Variants in FNDC3A observed in about 807,000 individuals in gnomAD.
The protein encoded by FNDC3A is fibronectin type-III domain-containing protein 3A.
FNDC3A carries 32 observed loss-of-function variants against 148.9 expected under a neutral mutation model. The ratio of observed to expected loss-of-function variants is 0.21; its 90% confidence interval spans 0.16 to 0.29. The LOEUF is 0.29. Ranked by LOEUF, FNDC3A falls within the 10% of genes least tolerant of loss-of-function variation. The probability of loss-of-function intolerance (pLI) is 1.00; values close to 1 mark genes in which losing one functional copy is unlikely to be tolerated. For synonymous variants in FNDC3A, 472 were observed against 473.6 expected, an observed-to-expected ratio of 1.00 and a Z score of 0.04; for missense variants, 1,191 against 1,452.8, an observed-to-expected ratio of 0.82 and a Z score of 2.93.
At chr13:49,064,401 G>A (rs369691831) in intron 2 of FNDC3A, among the ~76,000 whole-genome samples, 8 of 60,810 alleles carry the variant, frequency 1.3e-4, no homozygotes, top group Admixed American at 4.0e-4. Context: ...ATTGCCCCCC[G>A]CCCCCCCCCC....
rs1027414564 is a variant in FNDC3A at position 49,111,704 on chromosome 13, C to T, written c.176-2951C>T. Among the ~76,000 whole-genome samples, 6 of 136,156 alleles carry T rather than the reference C, an allele frequency of 4.4e-5. No homozygotes were observed. In the Admixed American group the frequency reaches 4.7e-4, roughly 11 times the overall value. The allele number at this position is 136,156 out of a possible 152,430, so 89.3% of individuals were successfully genotyped here. On this transcript the variant is annotated intron_variant, in intron 3 of 25. Transcript: ENST00000492622. ...TAGCGCCACTGCACTCCAGCCTGGG[C>T]AACAGAGTAAAACTCCGTCTCAAAA...
intron 24 of FNDC3A, among the ~76,000 whole-genome samples, chr13:49,202,237 TG>T (rs1886451452): frequency 6.6e-6 from 1 of 152,230 alleles, no homozygotes; most frequent in Non-Finnish European, 1.5e-5. Flanking sequence ...ATAGGAAGGC[TG>T]GTTTTCTAAT....
intron 1 of FNDC3A, among the ~76,000 whole-genome samples, chr13:48,993,504 TAGCAC>T: frequency 6.6e-6 from 1 of 152,212 alleles, no homozygotes; most frequent in Non-Finnish European, 1.5e-5. Context: ...TCTCATATGA[TAGCAC>T]ACTTAAGATT....
At chr13:49,016,800 C>T (rs1283445653) in intron 2 of FNDC3A, among the ~76,000 whole-genome samples, 16 of 152,000 alleles carry the variant, frequency 1.1e-4, no homozygotes, top group South Asian at 8.4e-4. Flanking sequence ...TGGTATGTTG[C>T]GTCTTTGTTC....
chr13:49,000,193 T>A (rs941791905), intron 1 of FNDC3A, among the ~76,000 whole-genome samples: 1 of 152,226 alleles, frequency 6.6e-6, no homozygotes, highest in Non-Finnish European at 1.5e-5. Flanking sequence ...CCATGTTTTC[T>A]TCTAGAAGTT....
At chr13:49,199,726 G>A (rs1289914979) in intron 23 of FNDC3A, among the ~76,000 whole-genome samples, 1 of 152,170 alleles carries the variant, frequency 6.6e-6, no homozygotes, top group African/African-American at 2.4e-5. Context: ...CTGACACAGG[G>A]CCTGCACGCT....
chr13:48,991,707 A>C (rs1012704798), intron 1 of FNDC3A, among the ~76,000 whole-genome samples: 2 of 152,084 alleles, frequency 1.3e-5, no homozygotes, highest in South Asian at 4.2e-4. Context: ...AAAAAAGGAA[A>C]AAAAAAAGAG....
intron 2 of FNDC3A, among the ~76,000 whole-genome samples, chr13:49,018,373 CTTTCTTCCAGTTGATCGCAT>C (rs1872996990): frequency 6.6e-6 from 1 of 152,134 alleles, no homozygotes; most frequent in Non-Finnish European, 1.5e-5. Context: ...CGCTGATACC[CTTTCTTCCAGTTGATCGCAT>C]CGGCTCCTGA....
intron 2 of FNDC3A, among the ~76,000 whole-genome samples, chr13:49,057,875 A>G (rs867689212): frequency 6.6e-6 from 1 of 152,166 alleles, no homozygotes; most frequent in Non-Finnish European, 1.5e-5. Flanking sequence ...AAAGAAACAC[A>G]GGATTTTAGT....
Position 48,994,182 on chromosome 13 carries a change from A to G in FNDC3A, c.-39-11970A>G, listed in dbSNP as rs144738458. The stretch of plus-strand genomic sequence containing the variant: ...ATTATTGATTTTTTCAAAAATAAAA[A>G]AGTAGACCAATGTGGTCTTCAGAAA... On this transcript the variant is annotated intron_variant, in intron 1 of 25. Coordinates refer to ENST00000492622, the MANE Select transcript of FNDC3A (RefSeq NM_001079673.2). Among the ~76,000 whole-genome samples, 244 of 152,360 alleles carry G rather than the reference A, an allele frequency of 1.6e-3. 2 individuals are homozygous for G. Among genetic ancestry groups the G allele is most frequent in the African/African-American group, 5.7e-3 (237 of 41,588 alleles).
chr13:49,163,441 G>T lies in FNDC3A; in HGVS notation c.978-3803G>T, dbSNP rs187443463. Among the ~76,000 whole-genome samples the T allele has an allele frequency of 2.6e-3, 391 of 152,368 alleles. 2 individuals are homozygous for T. Among genetic ancestry groups the T allele is most frequent in the African/African-American group, 8.6e-3 (356 of 41,598 alleles). ...TGTGGGCGTGGGACCCTCCATGCCA[G>T]GCCCTGGATATAATCTCCTGGTGTG... On this transcript the variant is annotated intron_variant, in intron 8 of 25. Transcript: ENST00000492622.
intron 3 of FNDC3A, chr13:49,095,573 A>T (rs1336718035): frequency 6.6e-6 from 1 of 152,100 alleles, no homozygotes; most frequent in African/African-American, 2.4e-5. Context: ...ACTATGAAAG[A>T]ATGTCTAGAA....
At chr13:49,054,106 C>T (rs576575448) in intron 2 of FNDC3A, among the ~76,000 whole-genome samples, 63 of 152,236 alleles carry the variant, frequency 4.1e-4, no homozygotes, top group African/African-American at 1.4e-3. Context: ...TATAATGAGG[C>T]ATGTCTAACC....
chr13:49,158,002 G>A (rs1278481490), intron 8 of FNDC3A, among the ~76,000 whole-genome samples: 1 of 151,292 alleles, frequency 6.6e-6, no homozygotes, highest in East Asian at 1.9e-4. Context: ...CCCAGAGGTG[G>A]AGCCTACAGA....
In FNDC3A at chr13:49,136,513, A is replaced by G. The variant is rs139701063; in HGVS notation, c.672A>G (p.Gly224=). The G allele has an allele frequency of 6.2e-7, 1 of 1,614,150 alleles. No homozygotes were observed. Among genetic ancestry groups the G allele is most frequent in the Non-Finnish European group, 8.5e-7 (1 of 1,179,994 alleles). Residue 224 remains glycine, a synonymous_variant, in exon 6 of 26, where the codon GGA becomes GGG. Transcript: ENST00000492622. ...ATGAACATAATGGACTTATAAAAGG[A>G]CAAATTGCTGGTGGTATAAACACAG... is the stretch of plus-strand genomic sequence containing the variant. ...PINEHNGLIK[G]QIAGGINTGS...
chr13:49,113,806 T>A (rs1362720779), intron 3 of FNDC3A, among the ~76,000 whole-genome samples: 1 of 152,174 alleles, frequency 6.6e-6, no homozygotes, highest in Non-Finnish European at 1.5e-5. Flanking sequence ...GAGACTTTTT[T>A]AAAAGTTACA....
chr13:49,008,795 CTTT>C (rs971542563), intron 2 of FNDC3A, among the ~76,000 whole-genome samples: 1 of 151,902 alleles, frequency 6.6e-6, no homozygotes, highest in Admixed American at 6.6e-5. Flanking sequence ...GCTTATGAAC[CTTT>C]TTTTGTGGTT....
intron 2 of FNDC3A, among the ~76,000 whole-genome samples, chr13:49,038,768 ATGTT>A (rs1333692926): frequency 6.6e-6 from 1 of 152,222 alleles, no homozygotes; most frequent in Non-Finnish European, 1.5e-5. Flanking sequence ...AGACCTAACA[ATGTT>A]TGTGAAGAAT....
Position 49,168,757 on chromosome 13 carries a change from A to G in FNDC3A, c.1176+6A>G. 6.2e-7 allele frequency: 1 copy of G among 1,612,702 alleles called. No homozygotes were observed. The highest frequency in any genetic ancestry group is 8.5e-7 in the Non-Finnish European group (1 of 1,179,188). On this transcript the variant is annotated splice_donor_region_variant and intron_variant, in intron 10 of 25. Transcript: ENST00000492622. The stretch of plus-strand genomic sequence containing the variant: ...CACTCACTTTGCAATGGAAGGTAAG[A>G]ATATTCTTTAGGGTGTTTCCAACTG...
Sources: gnomAD v4.1 joint callset for allele counts (sites outside exome capture counted in the v4.1 genomes callset) on GRCh38, gnomAD v4.1.1 for gene constraint, MANE v1.5 for transcripts, NCBI Gene and HGNC (gene_info 2026-07-23, HGNC 2026-07-21) for gene names.